TTC7B: variants seen among roughly 807,000 people sequenced by gnomAD.
The protein encoded by TTC7B is tetratricopeptide repeat protein 7B.
A neutral mutation model predicts 106.8 loss-of-function variants in TTC7B; 28 were observed. That is an observed-to-expected ratio of 0.26 (90% confidence interval 0.19 to 0.36). The LOEUF (loss-of-function observed/expected upper bound fraction) is 0.36, where lower values mean the gene tolerates loss of function less well. TTC7B is among the 10% of genes least tolerant of loss of function. The pLI is 1.00. For missense variants in TTC7B, 862 were observed against 1,076.4 expected (o/e 0.80, Z 2.79); for synonymous variants, 405 against 430.6 (o/e 0.94, Z 0.74).
intron 15 of TTC7B, among the ~76,000 whole-genome samples, chr14:90,628,017 G>A (rs994694847): frequency 2.0e-5 from 3 of 152,246 alleles, no homozygotes; most frequent in Admixed American, 1.3e-4. Context: ...AATGCCATCC[G>A]TGAAGCCAGA....
intron 17 of TTC7B, chr14:90,603,442 C>T (rs1213971503): frequency 1.5e-5 from 7 of 482,014 alleles, no homozygotes; most frequent in Non-Finnish European, 2.4e-5. Flanking sequence ...TATTTCCATT[C>T]AAGAGTGGCA....
chr14:90,784,458 G>A (rs1891317033), intron 2 of TTC7B, among the ~76,000 whole-genome samples: 1 of 152,154 alleles, frequency 6.6e-6, no homozygotes, highest in East Asian at 1.9e-4. Context: ...TCAGGAGGCT[G>A]AGGCAGGAGA....
chr14:90,643,967 GA>G, intron 15 of TTC7B, 80 bp downstream of exon 15: 1 of 1,536,640 alleles, frequency 6.5e-7, no homozygotes, highest in Non-Finnish European at 9.0e-7. Context: ...GAGGGACTTA[GA>G]CAGATTGGAA....
chr14:90,620,143 C>T (rs1424643316), intron 15 of TTC7B, among the ~76,000 whole-genome samples: 1 of 152,020 alleles, frequency 6.6e-6, no homozygotes. Flanking sequence ...CTGCAGCCTC[C>T]CCATGCCTGG....
chr14:90,564,162 T>C (rs150398783), intron 19 of TTC7B, among the ~76,000 whole-genome samples: 2 of 152,188 alleles, frequency 1.3e-5, no homozygotes, highest in Non-Finnish European at 2.9e-5. Flanking sequence ...AATCGCTCCT[T>C]GATCCATGGG....
chr14:90,700,670 C>G (rs902716177), intron 5 of TTC7B, among the ~76,000 whole-genome samples: 1 of 147,442 alleles, frequency 6.8e-6, no homozygotes, highest in Non-Finnish European at 1.5e-5. Flanking sequence ...TCATCATATA[C>G]GTATACCCTT....
At chr14:90,752,361 T>A (rs767221424) in intron 3 of TTC7B, among the ~76,000 whole-genome samples, 1 of 151,988 alleles carries the variant, frequency 6.6e-6, no homozygotes, top group South Asian at 2.1e-4. Flanking sequence ...CTACAAAAAA[T>A]TTAATTTAAA....
intron 1 of TTC7B, among the ~76,000 whole-genome samples, chr14:90,793,524 CAAA>C (rs199770166): frequency 3.1e-5 from 4 of 128,510 alleles, no homozygotes; most frequent in Admixed American, 7.7e-5. Context: ...GACTCTGTCT[CAAA>C]AAAAAAAAAA....
chr14:90,805,052 A>C lies in TTC7B; in HGVS notation c.121+11123T>G, dbSNP rs1038374493. Among the ~76,000 whole-genome samples, 1 of 152,072 alleles carries C rather than the reference A, an allele frequency of 6.6e-6. No homozygotes were observed. Among genetic ancestry groups the C allele is most frequent in the Non-Finnish European group, 1.5e-5 (1 of 68,000 alleles). ...CGGAGCCCCAGGCAGGCAGGGCTAC[A>C]CAGCCACCCTGGAGATGACACCAAC... On this transcript the variant is annotated intron_variant, in intron 1 of 19. Transcript: ENST00000328459. The surrounding 1 kb of genome is among the most constrained non-coding windows in gnomAD (Gnocchi z 4.0).
chr14:90,535,700 AC>A lies in TTC7B; in HGVS notation c.*5667del, dbSNP rs763233066. ...CTTGAGCCCACTCCAACCTGGCTTG[AC>A]CCCACCTTAGTCAGCTTGGGCTGCC... On this transcript the variant is annotated 3_prime_UTR_variant, in exon 20 of 20. Transcript: ENST00000328459. 6 of 152,250 alleles carry A rather than the reference AC, an allele frequency of 3.9e-5. No homozygotes were observed. The highest frequency in any genetic ancestry group is 6.5e-5 in the Admixed American group (1 of 15,278). The allele number at this position is 152,250 out of a possible 1,614,324, so 9.4% of individuals were successfully genotyped here.
chr14:90,646,940 G>A lies in TTC7B; in HGVS notation c.1590+11C>T, dbSNP rs761403917. ...AGTGCAGCAAGTATAGGAAACATTA[G>A]AGAAACTGACCTGTCTGGAGATGGC... On this transcript the variant is annotated intron_variant, in intron 14 of 19. Coordinates refer to ENST00000328459, the MANE Select transcript of TTC7B (RefSeq NM_001010854.2). 1 of 1,612,954 alleles carries A rather than the reference G, an allele frequency of 6.2e-7. No homozygotes were observed. The highest frequency in any genetic ancestry group is 1.7e-5 in the Admixed American group (1 of 60,024).
chr14:90,604,126 GA>G (rs1271895486), intron 17 of TTC7B, among the ~76,000 whole-genome samples: 1 of 152,122 alleles, frequency 6.6e-6, no homozygotes, highest in African/African-American at 2.4e-5. Flanking sequence ...GATGCAACAT[GA>G]AAAATACGGG....
intron 14 of TTC7B, chr14:90,644,997 G>A (rs1885371527): frequency 6.6e-6 from 1 of 152,204 alleles, no homozygotes; most frequent in Non-Finnish European, 1.5e-5. Flanking sequence ...CACACAAAAT[G>A]GGTATGTGAC....
chr14:90,804,485 G>A (rs963699988), intron 1 of TTC7B, among the ~76,000 whole-genome samples: 13 of 152,214 alleles, frequency 8.5e-5, no homozygotes, highest in African/African-American at 2.2e-4. Context: ...GATCTGGGCC[G>A]GGCCTGAGGG....
In TTC7B at chr14:90,814,743, C is replaced by T. The variant is rs551530290; in HGVS notation, c.121+1432G>A. Among the ~76,000 whole-genome samples, 10 of 152,178 alleles carry T rather than the reference C, an allele frequency of 6.6e-5. No individual in the cohort carries two copies. The East Asian group carries it at 1.4e-3, about 21-fold the overall frequency. ...AGGTAAGCGGAGAAGCAGGTGAGCCCGACACGGAGGGCAAAGGCAAGCTGC... is the reference window on the plus strand; with the variant it reads ...AGGTAAGCGGAGAAGCAGGTGAGCCTGACACGGAGGGCAAAGGCAAGCTGC... On this transcript the variant is annotated intron_variant, in intron 1 of 19. Coordinates refer to ENST00000328459, the MANE Select transcript of TTC7B (RefSeq NM_001010854.2).
rs201735075 is a variant in TTC7B, at chr14:90,676,612, G to A, written c.1063C>T (p.Arg355Cys). Residue 355 changes from arginine to cysteine, a missense_variant, in exon 9 of 20, where the codon CGC (arginine) becomes TGC (cysteine). By Grantham distance (180) the Arg-to-Cys change is radical. Coordinates refer to ENST00000328459, the MANE Select transcript of TTC7B (RefSeq NM_001010854.2). ...LSRIPEHKSD[R>C]LISLQSASVV... ...GATGCACTCTGCAGACTGATGAGGCGGTCACTCTTGTGTTCAGGTATCCTG... is the reference window on the plus strand; with the variant it reads ...GATGCACTCTGCAGACTGATGAGGCAGTCACTCTTGTGTTCAGGTATCCTG... 3 of 1,614,044 alleles carry A rather than the reference G, an allele frequency of 1.9e-6. No individual in the cohort carries two copies. Among genetic ancestry groups the A allele is most frequent in the East Asian group, 2.2e-5 (1 of 44,876 alleles).
At chr14:90,801,373 A>G (rs1232503681) in intron 1 of TTC7B, among the ~76,000 whole-genome samples, 1 of 152,022 alleles carries the variant, frequency 6.6e-6, no homozygotes, top group Non-Finnish European at 1.5e-5. Context: ...CCCATTTCTG[A>G]CTCTGACCTC....
intron 19 of TTC7B, chr14:90,569,865 T>G (rs1418435395): frequency 6.6e-6 from 1 of 152,274 alleles, no homozygotes; most frequent in Non-Finnish European, 1.5e-5. Context: ...GGGACACACA[T>G]GTGGCCAGGG....
chr14:90,805,902 C>T lies in TTC7B; in HGVS notation c.121+10273G>A, dbSNP rs1022942540. ...TCCCCCGGGGAAGGTGGGGCTGTGG[C>T]CTTTGCCTCTGGAAGGGACTGCCCT... On this transcript the variant is annotated intron_variant, in intron 1 of 19. Coordinates refer to ENST00000328459, the MANE Select transcript of TTC7B (RefSeq NM_001010854.2). This position sits in a 1 kb window ranked among gnomAD's most constrained non-coding sequence, Gnocchi z 4.0. Among the ~76,000 whole-genome samples, 11 of 152,310 alleles carry T rather than the reference C, an allele frequency of 7.2e-5. 1 individual carries two copies. The East Asian group carries it at 2.1e-3, about 29-fold the overall frequency.
Sources: allele counts gnomAD v4.1 joint callset (sites outside exome capture counted in the v4.1 genomes callset), GRCh38; gene constraint gnomAD v4.1.1; non-coding constraint Gnocchi (gnomAD v3.1); transcripts MANE v1.5; gene names NCBI Gene and HGNC (gene_info 2026-07-23, HGNC 2026-07-21).